CDH18: variants seen among roughly 807,000 people sequenced by gnomAD.
CDH18 encodes the protein cadherin 18.
Under a neutral mutation model 67.9 loss-of-function variants are expected in CDH18, and 31 were observed. That is an observed-to-expected ratio of 0.46 (90% CI 0.34 to 0.62). The LOEUF (loss-of-function observed/expected upper bound fraction) is 0.62, where lower values mean the gene tolerates loss of function less well. CDH18 is among the 20% of genes least tolerant of loss of function. The probability of loss-of-function intolerance (pLI) is 0.01; values close to 1 mark genes in which losing one functional copy is unlikely to be tolerated. For missense variants in CDH18, 890 were observed against 975.5 expected (o/e 0.91, Z 1.17); for synonymous variants, 362 against 347.2 (o/e 1.04, Z -0.48).
intron 2 of CDH18, among the ~76,000 whole-genome samples, chr5:19,962,395 A>T (rs113968355): frequency 9.6e-4 from 112 of 116,996 alleles, no homozygotes; most frequent in Middle Eastern, 0.011. Flanking sequence ...AAAAAAAAAA[A>T]AGAAAATTCA....
intron 1 of CDH18, among the ~76,000 whole-genome samples, chr5:19,982,985 A>C (rs1344138809): frequency 8.9e-6 from 1 of 112,234 alleles, no homozygotes; most frequent in Non-Finnish European, 2.2e-5. Flanking sequence ...TGGAGCTTGC[A>C]GTGCGCCACT....
At chr5:20,005,561 C>T (rs1413163311) in intron 2 of CDH18, among the ~76,000 whole-genome samples, 1 of 151,176 alleles carries the variant, frequency 6.6e-6, no homozygotes, top group African/African-American at 2.4e-5. Flanking sequence ...TATATATACA[C>T]ATATCTACAC....
chr5:19,829,531 A>G (rs1439399481), intron 3 of CDH18, among the ~76,000 whole-genome samples: 4 of 152,214 alleles, frequency 2.6e-5, no homozygotes, highest in Non-Finnish European at 5.9e-5. Context: ...TGACGATGAG[A>G]ATTTCAAAAC....
At chr5:19,749,887 A>G (rs1268886737) in intron 3 of CDH18, among the ~76,000 whole-genome samples, 1 of 151,734 alleles carries the variant, frequency 6.6e-6, no homozygotes, top group East Asian at 1.9e-4. Flanking sequence ...AGATATGACT[A>G]ATTTGAACCT....
intron 3 of CDH18, among the ~76,000 whole-genome samples, chr5:19,826,463 A>C (rs1388298267): frequency 1.3e-5 from 2 of 152,200 alleles, no homozygotes; most frequent in Non-Finnish European, 2.9e-5. Flanking sequence ...AAAAAATGTT[A>C]AAGGCAACTA....
chr5:19,702,193 G>A (rs58951555), intron 5 of CDH18, among the ~76,000 whole-genome samples: 1 of 131,400 alleles, frequency 7.6e-6, no homozygotes, highest in Non-Finnish European at 1.5e-5. Context: ...CTGTCCCCCA[G>A]GCTGGAGTGC....
intron 2 of CDH18, among the ~76,000 whole-genome samples, chr5:20,005,474 C>T (rs933761672): frequency 4.7e-5 from 7 of 150,492 alleles, no homozygotes; most frequent in African/African-American, 1.5e-4. Flanking sequence ...TAAATTGATT[C>T]TTATGATTAA....
chr5:20,117,344 A>G (rs1748009425), intron 2 of CDH18, among the ~76,000 whole-genome samples: 1 of 152,192 alleles, frequency 6.6e-6, no homozygotes, highest in African/African-American at 2.4e-5. Context: ...AAAATGAAGT[A>G]TGACTAATTT....
chr5:19,593,707 C>CCTCCTTCTTTTTCTTCTT, intron 6 of CDH18, among the ~76,000 whole-genome samples: 2 of 33,384 alleles, frequency 6.0e-5, no homozygotes, highest in African/African-American at 2.3e-4. Context: ...TCCTCCTCCT[C>CCTCCTTCTTTTTCTTCTT]CTTCTTCTTC....
At chr5:19,673,283 A>C (rs2150357270) in intron 5 of CDH18, among the ~76,000 whole-genome samples, 1 of 152,184 alleles carries the variant, frequency 6.6e-6, no homozygotes, top group South Asian at 2.1e-4. Context: ...GGTTTAGAAA[A>C]TATTTAAAAA....
intron 2 of CDH18, among the ~76,000 whole-genome samples, chr5:19,938,430 C>T (rs1794499587): frequency 6.6e-6 from 1 of 151,348 alleles, no homozygotes; most frequent in African/African-American, 2.4e-5. Context: ...AGCAGTTAGA[C>T]ACCTTCTCAT....
At chr5:19,966,343 T>A (rs1353070187) in intron 2 of CDH18, among the ~76,000 whole-genome samples, 3 of 152,154 alleles carry the variant, frequency 2.0e-5, no homozygotes, top group Non-Finnish European at 4.4e-5. Context: ...AGGCTTCTAA[T>A]CTTTAATCAC....
chr5:19,543,046 G>T (rs10941339), intron 9 of CDH18, among the ~76,000 whole-genome samples: 2 of 151,820 alleles, frequency 1.3e-5, no homozygotes, highest in Non-Finnish European at 1.5e-5. Context: ...TATATTCATG[G>T]TTTTTTTCAT....
intron 3 of CDH18, among the ~76,000 whole-genome samples, chr5:19,794,945 G>C (rs757591033): frequency 6.6e-6 from 1 of 152,014 alleles, no homozygotes; most frequent in Non-Finnish European, 1.5e-5. Context: ...TGCAGCCTTA[G>C]GTCTGGAGAA....
chr5:20,037,349 A>T (rs1739967868), intron 2 of CDH18, among the ~76,000 whole-genome samples: 1 of 151,996 alleles, frequency 6.6e-6, no homozygotes, highest in Non-Finnish European at 1.5e-5. Context: ...GCTCTGGACA[A>T]AGTGGACCTA....
At chr5:20,364,895 T>C (rs1028143644) in intron 1 of CDH18, among the ~76,000 whole-genome samples, 1 of 152,196 alleles carries the variant, frequency 6.6e-6, no homozygotes, top group Non-Finnish European at 1.5e-5. Context: ...AATAAATCAA[T>C]AGTTACTTAA....
intron 2 of CDH18, among the ~76,000 whole-genome samples, chr5:20,247,768 A>C (rs2126580190): frequency 6.6e-6 from 1 of 152,088 alleles, no homozygotes; most frequent in Middle Eastern, 3.4e-3. Context: ...TCAAAAAAAA[A>C]AAAAAAGATA....
chr5:19,955,593 C>T (rs1318288363), intron 2 of CDH18, among the ~76,000 whole-genome samples: 1 of 151,784 alleles, frequency 6.6e-6, no homozygotes, highest in Non-Finnish European at 1.5e-5. Flanking sequence ...TAATAGAGTG[C>T]CCAGGCAAAC....
chr5:19,671,409 A>G, intron 5 of CDH18, among the ~76,000 whole-genome samples: 1 of 152,258 alleles, frequency 6.6e-6, no homozygotes, highest in Non-Finnish European at 1.5e-5. Context: ...CAACTTGCTT[A>G]ATTAGTTAAA....
Sources: gnomAD v4.1 joint callset for allele counts (sites outside exome capture counted in the v4.1 genomes callset) on GRCh38, gnomAD v4.1.1 for gene constraint, MANE v1.5 for transcripts, NCBI Gene and HGNC (gene_info 2026-07-23, HGNC 2026-07-21) for gene names.